The following GALNT1 variants were observed in gnomAD, a reference collection of about 807,000 sequenced individuals.
GALNT1 encodes polypeptide N-acetylgalactosaminyltransferase 1, also known as GalNAc transferase 1.
GALNT1 carries 17 observed loss-of-function variants against 65.7 expected under a neutral mutation model. That is an observed-to-expected ratio of 0.26 (90% confidence interval 0.18 to 0.39). GALNT1 has a LOEUF of 0.39. Ranked by LOEUF, GALNT1 falls within the 10% of genes least tolerant of loss-of-function variation. The pLI, the probability that GALNT1 is intolerant of heterozygous loss-of-function variation, is 1.00. For synonymous variants in GALNT1, 210 were observed against 219.7 expected (o/e 0.96, Z 0.39); for missense variants, 460 against 672.8 (o/e 0.68, Z 3.50).
chr18:35,581,535 G>GA (rs1318886798), upstream of GALNT1, among the ~76,000 whole-genome samples: 1 of 110 alleles, frequency 9.1e-3, no homozygotes, highest in Non-Finnish European at 0.017. Context: ...GAGCGCCTGC[G>GA]GGCGCCCTGC....
At chr18:35,672,822 T>G (rs2047655061) in intron 3 of GALNT1, among the ~76,000 whole-genome samples, 2 of 152,132 alleles carry the variant, frequency 1.3e-5, no homozygotes, top group South Asian at 4.2e-4. Flanking sequence ...TTTAATAGCA[T>G]TTATTGAATG....
chr18:35,674,357 T>C (rs2047678231), intron 3 of GALNT1, among the ~76,000 whole-genome samples: 2 of 152,212 alleles, frequency 1.3e-5, no homozygotes, highest in Admixed American at 6.5e-5. Flanking sequence ...ATGGGACTAC[T>C]GTCATATATG....
At chr18:35,702,046 C>G (rs2048173731) in intron 9 of GALNT1, among the ~76,000 whole-genome samples, 1 of 152,158 alleles carries the variant, frequency 6.6e-6, no homozygotes, top group Non-Finnish European at 1.5e-5. Context: ...GTATTTAAAC[C>G]TGAGTCTTCT....
chr18:35,584,933 GT>G, intron 1 of GALNT1, among the ~76,000 whole-genome samples: 1 of 152,310 alleles, frequency 6.6e-6, no homozygotes, highest in South Asian at 2.1e-4. Flanking sequence ...GGGGACCCCT[GT>G]ATGGAGCGAT....
chr18:35,703,725 T>C (rs759256787), intron 11 of GALNT1, 82 bp downstream of exon 11: 40 of 1,378,804 alleles, frequency 2.9e-5, no homozygotes, highest in Non-Finnish European at 3.9e-5. Flanking sequence ...AAGGAATGAG[T>C]TCTTGTGGAC....
intron 11 of GALNT1, among the ~76,000 whole-genome samples, chr18:35,707,661 C>T (rs1022720862): frequency 3.9e-5 from 6 of 152,128 alleles, no homozygotes; most frequent in African/African-American, 1.2e-4. Flanking sequence ...GAGTGAAATG[C>T]ACATTTTTAG....
At chr18:35,655,043 T>C (rs2047363981) in intron 2 of GALNT1, among the ~76,000 whole-genome samples, 1 of 152,174 alleles carries the variant, frequency 6.6e-6, no homozygotes, top group Admixed American at 6.6e-5. Flanking sequence ...GTAGTTAATT[T>C]CCTGTAAGTT....
At chr18:35,697,447 C>T (rs896217680) in intron 9 of GALNT1, among the ~76,000 whole-genome samples, 5 of 152,326 alleles carry the variant, frequency 3.3e-5, no homozygotes, top group African/African-American at 1.2e-4. Context: ...ATTCCCCGGT[C>T]CTACCAATAG....
intron 1 of GALNT1, among the ~76,000 whole-genome samples, chr18:35,618,064 T>C (rs1454017547): frequency 3.3e-5 from 5 of 151,176 alleles, no homozygotes. Flanking sequence ...AGCCAAGCAC[T>C]TAACATGTAT....
chr18:35,689,085 A>G (rs1023819347), intron 6 of GALNT1, 88 bp from the exon 7 acceptor site: 22 of 838,364 alleles, frequency 2.6e-5, no homozygotes, highest in Middle Eastern at 2.2e-4. Flanking sequence ...CTCAGTAGTT[A>G]TAAATAGTTA....
intron 1 of GALNT1, among the ~76,000 whole-genome samples, chr18:35,605,459 C>G (rs1030702855): frequency 1.3e-5 from 2 of 149,816 alleles, no homozygotes; most frequent in African/African-American, 4.9e-5. Context: ...GATTGTGCCA[C>G]TGTATTCCAG....
chr18:35,679,126 T>C (rs2047752323), intron 4 of GALNT1, among the ~76,000 whole-genome samples: 1 of 152,152 alleles, frequency 6.6e-6, no homozygotes, highest in South Asian at 2.1e-4. Context: ...ACAACAGAAG[T>C]ATAAACCTTA....
chr18:35,656,645 A>G (rs1456800629), intron 2 of GALNT1, among the ~76,000 whole-genome samples: 1 of 152,214 alleles, frequency 6.6e-6, no homozygotes, highest in Non-Finnish European at 1.5e-5. Context: ...ATGTCACACA[A>G]GGCCTTTTAT....
At chr18:35,609,505 T>C (rs2046690646) in intron 1 of GALNT1, among the ~76,000 whole-genome samples, 1 of 152,174 alleles carries the variant, frequency 6.6e-6, no homozygotes, top group South Asian at 2.1e-4. Context: ...TGTGCTGTCA[T>C]AGTATGTGTT....
At chr18:35,671,591 GAC>G (rs1390878463) in intron 3 of GALNT1, among the ~76,000 whole-genome samples, 1 of 152,172 alleles carries the variant, frequency 6.6e-6, no homozygotes, top group African/African-American at 2.4e-5. Flanking sequence ...CTACGAAAAT[GAC>G]AATTTCATAA....
chr18:35,684,122 T>C (rs1193895894), intron 5 of GALNT1, among the ~76,000 whole-genome samples: 1 of 152,240 alleles, frequency 6.6e-6, no homozygotes, highest in Non-Finnish European at 1.5e-5. Flanking sequence ...TTACACATTT[T>C]TCAAAGAACT....
At chr18:35,687,305 T>C in intron 6 of GALNT1, 119 bp downstream of exon 6, 3 of 854,964 alleles carry the variant, frequency 3.5e-6, no homozygotes, top group Non-Finnish European at 5.2e-6. Context: ...GTATACCTTA[T>C]GGTAGTTAAC....
Position 35,709,654 on chromosome 18 carries a change from C to T in GALNT1, c.1564C>T (p.Gln522Ter), listed in dbSNP as rs1043866699. 2 of 1,613,930 alleles carry T rather than the reference C, an allele frequency of 1.2e-6. No individual in the cohort carries two copies. Among genetic ancestry groups the T allele is most frequent in the African/African-American group, 2.7e-5 (2 of 74,902 alleles). ...AACCCTGCAGCATGTGAACAGTAAT[C>T]AGTGCCTGGATAAAGCCACAGAAGA... ...KLTLQHVNSN[Q>*]CLDKATEEDS... The change falls in exon 12 of 12, where the codon CAG (glutamine) becomes TAG (stop). Residue 522 changes from glutamine to a stop codon, truncating the protein, a stop_gained. Coordinates refer to ENST00000269195, the MANE Select transcript of GALNT1 (RefSeq NM_020474.4). LOFTEE classifies it high-confidence loss of function.
intron 9 of GALNT1, among the ~76,000 whole-genome samples, chr18:35,697,776 T>G (rs2048083435): frequency 6.6e-6 from 1 of 152,208 alleles, no homozygotes. Flanking sequence ...GTAGAAAAGT[T>G]TGTTTCTAAC....
Sources: gnomAD v4.1 joint callset for allele counts (sites outside exome capture counted in the v4.1 genomes callset) on GRCh38, gnomAD v4.1.1 for gene constraint, MANE v1.5 for transcripts, NCBI Gene and HGNC (gene_info 2026-07-23, HGNC 2026-07-21) for gene names.